Variants in TRERF1 observed in about 807,000 individuals in gnomAD.
TRERF1 encodes transcriptional-regulating factor 1.
Under a neutral mutation model 122.9 loss-of-function variants are expected in TRERF1, and 27 were observed. That is an observed-to-expected ratio of 0.22 (90% CI 0.16 to 0.30). The LOEUF is 0.30. Among genes scored for constraint, TRERF1 ranks in the 10% least tolerant of loss-of-function variants. The pLI is 1.00. For synonymous variants in TRERF1, 636 were observed against 641.7 expected (o/e 0.99, Z 0.13); for missense variants, 1,248 against 1,560.3 (o/e 0.80, Z 3.37).
rs959863617 is a variant in TRERF1 at position 42,276,737 on chromosome 6, T to G, written c.-258-6889A>C. On this transcript the variant is annotated intron_variant, in intron 4 of 17. Coordinates refer to ENST00000372922, the Ensembl canonical transcript of TRERF1. The surrounding 1 kb of genome is among the most constrained non-coding windows in gnomAD (Gnocchi z 4.3). ...ATCTTCCTCCCTGCAGTGAGTGGTTTGCTCTTACTCCTTCACAGCCCTGGC... is the reference window on the plus strand; with the variant it reads ...ATCTTCCTCCCTGCAGTGAGTGGTTGGCTCTTACTCCTTCACAGCCCTGGC... Among the ~76,000 whole-genome samples the G allele has an allele frequency of 2.0e-5, 3 of 152,160 alleles. No homozygotes were observed. Among genetic ancestry groups the G allele is most frequent in the Non-Finnish European group, 2.9e-5 (2 of 68,030 alleles).
At chr6:42,402,873 G>A (rs1052021511) in intron 2 of TRERF1, among the ~76,000 whole-genome samples, 1 of 152,150 alleles carries the variant, frequency 6.6e-6, no homozygotes, top group Non-Finnish European at 1.5e-5. Flanking sequence ...GACGCTAGGA[G>A]AGGTCAGGGA....
intron 2 of TRERF1, among the ~76,000 whole-genome samples, chr6:42,383,993 GTGT>G (rs1218172169): frequency 1.3e-5 from 2 of 151,550 alleles, no homozygotes; most frequent in Non-Finnish European, 2.9e-5. Context: ...CCTCACCACT[GTGT>G]TGGTGAGGAT....
intron 10 of TRERF1, 31 bp from the exon 11 acceptor site, chr6:42,257,133 T>C (rs1776891999): frequency 6.2e-7 from 1 of 1,611,782 alleles, no homozygotes. Flanking sequence ...AACAACAATG[T>C]GGTCTTCAAT....
At chr6:42,386,519 A>T (rs1364971881) in intron 2 of TRERF1, among the ~76,000 whole-genome samples, 1 of 152,246 alleles carries the variant, frequency 6.6e-6, no homozygotes, top group African/African-American at 2.4e-5. Flanking sequence ...GGTAGAATAG[A>T]TAGAAAAGCA....
rs745904054 is a variant in TRERF1 at position 42,268,289 on chromosome 6, T to A, written c.1302A>T (p.Gly434=). ...GGGTCAGATCTGAGCTCGCTGGGTCTCCCATTCCTGTGTCAGGAGGCCCCA... is the reference window on the plus strand; with the variant it reads ...GGGTCAGATCTGAGCTCGCTGGGTCACCCATTCCTGTGTCAGGAGGCCCCA... Residue 434 remains glycine, a synonymous_variant, in exon 5 of 18, where the codon GGA becomes GGT. Transcript: ENST00000372922. The surrounding 1 kb of genome is among the most constrained non-coding windows in gnomAD (Gnocchi z 4.4). The A allele has an allele frequency of 4.0e-6, 6 of 1,511,772 alleles. No homozygotes were observed. The highest frequency in any genetic ancestry group is 1.8e-6 in the Non-Finnish European group (2 of 1,131,250). 93.6% of individuals were successfully genotyped at this position (1,511,772 alleles called of 1,614,324 possible).
At chr6:42,383,417 C>G (rs1020754332) in intron 2 of TRERF1, among the ~76,000 whole-genome samples, 1 of 152,036 alleles carries the variant, frequency 6.6e-6, no homozygotes, top group Non-Finnish European at 1.5e-5. Context: ...CTGGATACCC[C>G]CTAACACCCC....
intron 15 of TRERF1, among the ~76,000 whole-genome samples, chr6:42,240,722 T>A (rs535021610): frequency 2.0e-5 from 3 of 152,198 alleles, no homozygotes; most frequent in Admixed American, 2.0e-4. Flanking sequence ...TCCACTTACA[T>A]GTGTTATATC....
intron 12 of TRERF1, 68 bp from the exon 13 acceptor site, chr6:42,254,994 A>G: frequency 1.3e-6 from 2 of 1,521,508 alleles, no homozygotes; most frequent in East Asian, 2.2e-5. Flanking sequence ...GAGATCATCT[A>G]CCCAAAGGGG....
At chr6:42,436,787 C>A (rs1582228594) in intron 2 of TRERF1, among the ~76,000 whole-genome samples, 1 of 111,510 alleles carries the variant, frequency 9.0e-6, no homozygotes, top group Non-Finnish European at 1.7e-5. Flanking sequence ...GAATTATTTG[C>A]AATCTCCCTC....
At chr6:42,360,770 TTAAAAA>T (rs1771576084) in intron 3 of TRERF1, among the ~76,000 whole-genome samples, 1 of 64,046 alleles carries the variant, frequency 1.6e-5, no homozygotes. Flanking sequence ...AGTGGAGAGA[TTAAAAA>T]AAAAAAAAAA....
At chr6:42,234,291 T>C (rs1299006995) in intron 16 of TRERF1, among the ~76,000 whole-genome samples, 1 of 152,034 alleles carries the variant, frequency 6.6e-6, no homozygotes, top group Non-Finnish European at 1.5e-5. Flanking sequence ...CTAGCTGTAG[T>C]AGTTGCTGTA....
chr6:42,442,466 T>C (rs2151786588), intron 2 of TRERF1, among the ~76,000 whole-genome samples: 1 of 152,130 alleles, frequency 6.6e-6, no homozygotes, highest in Admixed American at 6.5e-5. Context: ...CATCTAGAAA[T>C]GACCACTAGA....
At chr6:42,437,574 T>C (rs1785690370) in intron 2 of TRERF1, among the ~76,000 whole-genome samples, 1 of 152,196 alleles carries the variant, frequency 6.6e-6, no homozygotes, top group Admixed American at 6.5e-5. Context: ...CCCAGAGGGT[T>C]GGCATGGTGT....
At chr6:42,397,501 T>C (rs1301986329) in intron 2 of TRERF1, among the ~76,000 whole-genome samples, 1 of 152,222 alleles carries the variant, frequency 6.6e-6, no homozygotes, top group Non-Finnish European at 1.5e-5. Context: ...CAAAATCCCC[T>C]ATGTCCCAAG....
chr6:42,445,463 C>T (rs143350341), intron 2 of TRERF1, among the ~76,000 whole-genome samples: 28 of 151,998 alleles, frequency 1.8e-4, no homozygotes, highest in African/African-American at 6.5e-4. Flanking sequence ...CACTCTCCTG[C>T]ATTTAAATGT....
intron 2 of TRERF1, among the ~76,000 whole-genome samples, chr6:42,442,812 T>C (rs1162868119): frequency 6.6e-6 from 1 of 152,214 alleles, no homozygotes; most frequent in African/African-American, 2.4e-5. Context: ...CTGTATAGTA[T>C]TATCTATTTC....
intron 2 of TRERF1, among the ~76,000 whole-genome samples, chr6:42,412,755 G>C (rs191834807): frequency 4.6e-5 from 7 of 152,050 alleles, no homozygotes. Context: ...TGAGATGCTT[G>C]TCTCTACAAA....
intron 2 of TRERF1, among the ~76,000 whole-genome samples, chr6:42,383,797 A>G (rs1776364183): frequency 6.6e-6 from 1 of 152,320 alleles, no homozygotes; most frequent in Admixed American, 6.5e-5. Flanking sequence ...CCAACAACTC[A>G]ACAGAAACAT....
chr6:42,394,602 T>C (rs1041702469), intron 2 of TRERF1, among the ~76,000 whole-genome samples: 43 of 151,978 alleles, frequency 2.8e-4, no homozygotes, highest in African/African-American at 9.4e-4. Flanking sequence ...CCAGAAATGG[T>C]CTATAGATGC....
Sources: allele counts gnomAD v4.1 joint callset (sites outside exome capture counted in the v4.1 genomes callset), GRCh38; gene constraint gnomAD v4.1.1; non-coding constraint Gnocchi (gnomAD v3.1); transcripts MANE v1.5; gene names NCBI Gene and HGNC (gene_info 2026-07-23, HGNC 2026-07-21).